The following CABLES1 variants were observed in gnomAD, a reference collection of about 807,000 sequenced individuals.
The protein encoded by CABLES1 is Cdk5 and Abl enzyme substrate 1.
In CABLES1, 36 loss-of-function variants were observed where a neutral mutation model predicts 57.8. The ratio of observed to expected loss-of-function variants is 0.62; its 90% CI spans 0.48 to 0.82. CABLES1 has a LOEUF of 0.82. CABLES1 is among the 40% of genes least tolerant of loss of function. The pLI is 0.00. For synonymous variants in CABLES1, 374 were observed against 363.0 expected, an observed-to-expected ratio of 1.03 and a Z score of -0.35; for missense variants, 767 against 836.6, an observed-to-expected ratio of 0.92 and a Z score of 1.03.
intron 1 of CABLES1, among the ~76,000 whole-genome samples, chr18:23,152,125 C>T (rs150783860): frequency 6.6e-6 from 1 of 152,210 alleles, no homozygotes; most frequent in East Asian, 1.9e-4. Flanking sequence ...CCAAGCTAGG[C>T]ATGGTGGCCT....
intron 1 of CABLES1, among the ~76,000 whole-genome samples, chr18:23,165,970 A>G (rs947618487): frequency 4.6e-5 from 7 of 152,306 alleles, no homozygotes; most frequent in East Asian, 1.9e-4. Context: ...TTCAAGGGAA[A>G]TGAGTGATCT....
At chr18:23,254,067 T>G (rs2048105626) in intron 9 of CABLES1, 131 bp downstream of exon 9, 1 of 729,360 alleles carries the variant, frequency 1.4e-6, no homozygotes, top group South Asian at 1.7e-5. Context: ...GTGAAGGCTA[T>G]GAAGTCTTTC....
At chr18:23,247,582 T>C (rs1202721341) in intron 7 of CABLES1, among the ~76,000 whole-genome samples, 1 of 152,138 alleles carries the variant, frequency 6.6e-6, no homozygotes, top group South Asian at 2.1e-4. Flanking sequence ...GCTGTCGACA[T>C]CAAGTGGATG....
intron 1 of CABLES1, among the ~76,000 whole-genome samples, chr18:23,152,423 T>G (rs1476139810): frequency 1.3e-5 from 2 of 152,000 alleles, no homozygotes; most frequent in African/African-American, 4.8e-5. Context: ...TTCCTTTTTC[T>G]CCCAAGGTGG....
intron 9 of CABLES1, 87 bp downstream of exon 9, chr18:23,254,023 C>A: frequency 8.9e-7 from 1 of 1,123,974 alleles, no homozygotes; most frequent in Non-Finnish European, 1.3e-6. Flanking sequence ...GTGACCCTGC[C>A]TGGAAGGATT....
intron 1 of CABLES1, among the ~76,000 whole-genome samples, chr18:23,139,924 T>C (rs2046847148): frequency 6.6e-6 from 1 of 152,204 alleles, no homozygotes; most frequent in Non-Finnish European, 1.5e-5. Flanking sequence ...CTGGTATAAT[T>C]CAACACCCCA....
Position 23,198,660 on chromosome 18 carries a change from T to C in CABLES1, c.1010+4120T>C, listed in dbSNP as rs116040325. Reference sequence around the variant, plus strand: ...ATCGTCAGTGTCAAGAGTGATGCAATAGGAGAAAGACTCCTCTGGCTTTGC... The same window carrying C: ...ATCGTCAGTGTCAAGAGTGATGCAACAGGAGAAAGACTCCTCTGGCTTTGC... On this transcript the variant is annotated intron_variant, in intron 3 of 9. Transcript: ENST00000256925. Among the ~76,000 whole-genome samples the C allele has an allele frequency of 8.6e-3, 1,307 of 152,308 alleles. 15 individuals are homozygous for C. The highest frequency in any genetic ancestry group is 0.028 in the African/African-American group (1,184 of 41,574).
intron 4 of CABLES1, among the ~76,000 whole-genome samples, chr18:23,221,405 C>G (rs1314960735): frequency 6.6e-6 from 1 of 152,206 alleles, no homozygotes; most frequent in African/African-American, 2.4e-5. Context: ...CTCTGAGAGA[C>G]ACAGAGGCGT....
At chr18:23,173,744 C>G (rs2047100209) in intron 1 of CABLES1, among the ~76,000 whole-genome samples, 1 of 152,178 alleles carries the variant, frequency 6.6e-6, no homozygotes, top group African/African-American at 2.4e-5. Flanking sequence ...GGGTGGATCG[C>G]TTGCGCTCAA....
intron 3 of CABLES1, among the ~76,000 whole-genome samples, chr18:23,212,264 T>C (rs2047410396): frequency 1.3e-5 from 2 of 152,266 alleles, no homozygotes; most frequent in African/African-American, 4.8e-5. Context: ...GAGTGTGTAC[T>C]ATTTGCCAGC....
intron 2 of CABLES1, among the ~76,000 whole-genome samples, chr18:23,192,759 A>C (rs2047254043): frequency 6.6e-6 from 1 of 152,206 alleles, no homozygotes; most frequent in Admixed American, 6.5e-5. Context: ...TGTGTGTGAC[A>C]GGTGGGAACT....
intron 1 of CABLES1, among the ~76,000 whole-genome samples, chr18:23,183,792 G>A (rs554435995): frequency 1.2e-3 from 187 of 152,306 alleles, no homozygotes; most frequent in African/African-American, 4.3e-3. Flanking sequence ...TGCTTGTTAA[G>A]TCTATAATGA....
chr18:23,203,021 T>A (rs1251041910), intron 3 of CABLES1, among the ~76,000 whole-genome samples: 2 of 151,160 alleles, frequency 1.3e-5, no homozygotes, highest in Non-Finnish European at 2.9e-5. Flanking sequence ...ACTCAGTGGC[T>A]TTTGTGACAT....
intron 9 of CABLES1, among the ~76,000 whole-genome samples, chr18:23,254,668 G>T (rs2048119802): frequency 6.6e-6 from 1 of 152,196 alleles, no homozygotes; most frequent in Non-Finnish European, 1.5e-5. Context: ...TTCAGTTCTG[G>T]TGAGGTTCCT....
At chr18:23,159,563 T>C (rs2046988871) in intron 1 of CABLES1, among the ~76,000 whole-genome samples, 1 of 152,232 alleles carries the variant, frequency 6.6e-6, no homozygotes, top group South Asian at 2.1e-4. Flanking sequence ...ATAAACTTTT[T>C]GTCAGTGAAC....
At chr18:23,137,935 T>C (rs940337712) in intron 1 of CABLES1, among the ~76,000 whole-genome samples, 1 of 152,172 alleles carries the variant, frequency 6.6e-6, no homozygotes, top group Non-Finnish European at 1.5e-5. Context: ...TGTCAGAGCA[T>C]GCATCTCCCC....
chr18:23,191,499 A>G (rs2047242500), intron 2 of CABLES1, among the ~76,000 whole-genome samples: 1 of 152,126 alleles, frequency 6.6e-6, no homozygotes, highest in Non-Finnish European at 1.5e-5. Context: ...CTGGTCTGTG[A>G]AATGGTAACA....
intron 1 of CABLES1, among the ~76,000 whole-genome samples, chr18:23,155,143 A>G (rs765768263): frequency 1.8e-4 from 27 of 152,222 alleles, no homozygotes; most frequent in Non-Finnish European, 2.6e-4. Flanking sequence ...AAGAAGTGCA[A>G]TGTTCGTTAT....
At chr18:23,198,721 G>A (rs1223349599) in intron 3 of CABLES1, among the ~76,000 whole-genome samples, 1 of 152,210 alleles carries the variant, frequency 6.6e-6, no homozygotes, top group Non-Finnish European at 1.5e-5. Flanking sequence ...CATAAACCAA[G>A]AAATGCAGGC....
Sources: gnomAD v4.1 joint callset for allele counts (sites outside exome capture counted in the v4.1 genomes callset) on GRCh38, gnomAD v4.1.1 for gene constraint, MANE v1.5 for transcripts, NCBI Gene and HGNC (gene_info 2026-07-23, HGNC 2026-07-21) for gene names.